The following ADAMTS19 variants were observed in gnomAD, a reference collection of about 807,000 sequenced individuals.
ADAMTS19 encodes A disintegrin and metalloproteinase with thrombospondin motifs 19.
A neutral mutation model predicts 153.3 loss-of-function variants in ADAMTS19; 93 were observed. The observed-to-expected ratio is 0.61, with a 90% confidence interval of 0.51 to 0.72. The LOEUF (loss-of-function observed/expected upper bound fraction) is 0.72, where lower values mean the gene tolerates loss of function less well. Among genes scored for constraint, ADAMTS19 ranks in the 30% least tolerant of loss-of-function variants. The pLI, the probability that ADAMTS19 is intolerant of heterozygous loss-of-function variation, is 0.00. For synonymous variants in ADAMTS19, 600 were observed against 556.6 expected (o/e 1.08, Z -1.10); for missense variants, 1,482 against 1,552.1 (o/e 0.95, Z 0.76).
intron 21 of ADAMTS19, among the ~76,000 whole-genome samples, chr5:129,717,451 A>G (rs575955609): frequency 6.6e-6 from 1 of 152,208 alleles, no homozygotes. Flanking sequence ...AAAGTTAATC[A>G]ACATAATTTT....
chr5:129,702,899 A>G (rs1581242744), intron 20 of ADAMTS19, among the ~76,000 whole-genome samples: 1 of 126,324 alleles, frequency 7.9e-6, no homozygotes, highest in South Asian at 2.8e-4. Context: ...TTAAAACTCA[A>G]TTTTATGAAT....
chr5:129,563,520 A>G (rs1753595429), intron 7 of ADAMTS19, among the ~76,000 whole-genome samples: 1 of 152,192 alleles, frequency 6.6e-6, no homozygotes, highest in Non-Finnish European at 1.5e-5. Context: ...ATCAAGCTCT[A>G]TGATGGATTC....
intron 21 of ADAMTS19, among the ~76,000 whole-genome samples, chr5:129,720,174 ATTT>A (rs1177323633): frequency 1.4e-3 from 164 of 113,340 alleles, no homozygotes; most frequent in African/African-American, 5.7e-3. Context: ...ATATATATTT[ATTT>A]TTTTTTTTTT....
At chr5:129,522,332 CATAT>C (rs1209637522) in intron 3 of ADAMTS19, among the ~76,000 whole-genome samples, 205 of 58,608 alleles carry the variant, frequency 3.5e-3, no homozygotes, top group African/African-American at 0.012. Flanking sequence ...CACACACACA[CATAT>C]ATATATATAT....
chr5:129,626,829 G>T (rs1201215286), intron 10 of ADAMTS19, among the ~76,000 whole-genome samples: 4 of 152,098 alleles, frequency 2.6e-5, no homozygotes, highest in African/African-American at 9.7e-5. Flanking sequence ...TATGTTAGTT[G>T]ATGATAATTG....
In ADAMTS19 at chr5:129,701,386, A is replaced by T; in HGVS notation, c.2955-2A>T. 1 of 1,614,152 alleles carries T rather than the reference A, an allele frequency of 6.2e-7. No individual in the cohort carries two copies. The highest frequency in any genetic ancestry group is 8.5e-7 in the Non-Finnish European group (1 of 1,180,020). Reference sequence around the variant, plus strand: ...TTCCAGTGACTCTTGCTTTACTTTCAGGTGGATGATGACAGAATGGACCCC... The same window carrying T: ...TTCCAGTGACTCTTGCTTTACTTTCTGGTGGATGATGACAGAATGGACCCC... On this transcript the variant is annotated splice_acceptor_variant, in intron 19 of 22. Transcript: ENST00000274487. LOFTEE classifies it high-confidence loss of function.
At chr5:129,477,945 A>G (rs888016886) in intron 2 of ADAMTS19, among the ~76,000 whole-genome samples, 4 of 152,156 alleles carry the variant, frequency 2.6e-5, no homozygotes, top group African/African-American at 4.8e-5. Flanking sequence ...TTCCCCTTCT[A>G]TTCTCAGTAT....
intron 6 of ADAMTS19, among the ~76,000 whole-genome samples, chr5:129,536,732 T>C (rs1289937362): frequency 2.6e-5 from 4 of 152,036 alleles, no homozygotes; most frequent in African/African-American, 9.7e-5. Context: ...TATGCAGCCA[T>C]AAAAAATGAA....
intron 2 of ADAMTS19, among the ~76,000 whole-genome samples, chr5:129,500,008 C>T (rs10052336): frequency 1.3e-5 from 2 of 151,990 alleles, no homozygotes; most frequent in African/African-American, 4.8e-5. Flanking sequence ...GCCCGCCCCT[C>T]CTAGTTTTAT....
chr5:129,484,820 G>A (rs1007198100), intron 2 of ADAMTS19, among the ~76,000 whole-genome samples: 2 of 152,056 alleles, frequency 1.3e-5, no homozygotes, highest in African/African-American at 4.8e-5. Flanking sequence ...TTTATTAAAT[G>A]CCATCAAATT....
chr5:129,467,165 G>C (rs1030729566), intron 2 of ADAMTS19, among the ~76,000 whole-genome samples: 1 of 152,166 alleles, frequency 6.6e-6, no homozygotes, highest in Admixed American at 6.5e-5. Context: ...GCTGACTGGT[G>C]GAAATGGTTG....
chr5:129,701,672 A>G (rs1455262844), intron 20 of ADAMTS19, 80 bp downstream of exon 20: 1 of 1,455,712 alleles, frequency 6.9e-7, no homozygotes, highest in Non-Finnish European at 9.3e-7. Flanking sequence ...CATGTTCAGA[A>G]TCTGCATTGA....
chr5:129,466,539 C>T (rs1749868492), intron 2 of ADAMTS19, among the ~76,000 whole-genome samples: 2 of 151,874 alleles, frequency 1.3e-5, no homozygotes, highest in South Asian at 2.1e-4. Context: ...AGAATAAAAA[C>T]TCAATAGATG....
chr5:129,692,012 G>A (rs1478740349), intron 18 of ADAMTS19, among the ~76,000 whole-genome samples: 2 of 151,988 alleles, frequency 1.3e-5, no homozygotes, highest in Non-Finnish European at 2.9e-5. Context: ...TGTTGCAGTT[G>A]GCAAAATGTC....
At chr5:129,713,253 A>G (rs1265576195) in intron 21 of ADAMTS19, among the ~76,000 whole-genome samples, 1 of 152,258 alleles carries the variant, frequency 6.6e-6, no homozygotes, top group Non-Finnish European at 1.5e-5. Flanking sequence ...AGAATTTGAT[A>G]TGAATTTTAT....
chr5:129,475,819 G>T (rs1164335662), intron 2 of ADAMTS19, among the ~76,000 whole-genome samples: 1 of 152,170 alleles, frequency 6.6e-6, no homozygotes, highest in Non-Finnish European at 1.5e-5. Flanking sequence ...GGAGACAGAG[G>T]AGACTCCATC....
chr5:129,502,869 G>C (rs115639138), intron 2 of ADAMTS19, among the ~76,000 whole-genome samples: 1 of 152,258 alleles, frequency 6.6e-6, no homozygotes, highest in Non-Finnish European at 1.5e-5. Flanking sequence ...GGTCTAATCA[G>C]AAAGACATGA....
chr5:129,622,901 C>A (rs980778039), intron 10 of ADAMTS19, among the ~76,000 whole-genome samples: 6 of 151,464 alleles, frequency 4.0e-5, no homozygotes, highest in Non-Finnish European at 7.4e-5. Context: ...TTGTATTGTT[C>A]TTTTTTTTAA....
intron 21 of ADAMTS19, among the ~76,000 whole-genome samples, chr5:129,730,526 A>G (rs181271669): frequency 3.7e-4 from 56 of 152,256 alleles, no homozygotes; most frequent in Non-Finnish European, 2.9e-4. Context: ...CATACAAACA[A>G]CTCTAACATA....
Sources: gnomAD v4.1 joint callset for allele counts (sites outside exome capture counted in the v4.1 genomes callset) on GRCh38, gnomAD v4.1.1 for gene constraint, MANE v1.5 for transcripts, NCBI Gene and HGNC (gene_info 2026-07-23, HGNC 2026-07-21) for gene names.